The following TDRD7 variants were observed in gnomAD, a reference collection of about 807,000 sequenced individuals.
TDRD7 encodes the protein tudor domain-containing protein 7.
In TDRD7, 47 loss-of-function variants were observed where a neutral mutation model predicts 109.8. The ratio of observed to expected loss-of-function variants is 0.43; its 90% CI spans 0.34 to 0.55. TDRD7 has a LOEUF of 0.55. Ranked by LOEUF, TDRD7 falls within the 20% of genes least tolerant of loss-of-function variation. TDRD7 has a pLI of 0.03. For missense variants in TDRD7, 1,164 were observed against 1,319.2 expected, an observed-to-expected ratio of 0.88 and a Z score of 1.82; for synonymous variants, 424 against 457.3, an observed-to-expected ratio of 0.93 and a Z score of 0.93.
intron 1 of TDRD7, among the ~76,000 whole-genome samples, chr9:97,416,788 G>A (rs1389774299): frequency 6.6e-6 from 1 of 151,710 alleles, no homozygotes; most frequent in East Asian, 1.9e-4. Context: ...AAAAGGAGTG[G>A]TAGGTGGATG....
intron 1 of TDRD7, among the ~76,000 whole-genome samples, 163 bp from the exon 2 acceptor site, chr9:97,428,297 T>G (rs1195955351): frequency 6.6e-6 from 1 of 152,184 alleles, no homozygotes; most frequent in African/African-American, 2.4e-5. Flanking sequence ...ATTCTTATGG[T>G]ATTTGTGCTT....
At chr9:97,424,012 G>T (rs1355167198) in intron 1 of TDRD7, among the ~76,000 whole-genome samples, 1 of 148,066 alleles carries the variant, frequency 6.8e-6, no homozygotes, top group Non-Finnish European at 1.5e-5. Flanking sequence ...AATATCATTA[G>T]GTCACTTTGG....
intron 16 of TDRD7, among the ~76,000 whole-genome samples, chr9:97,490,988 T>C (rs1481480414): frequency 4.2e-5 from 6 of 142,620 alleles, no homozygotes; most frequent in Admixed American, 1.5e-4. Context: ...CGATCTCAGC[T>C]CACTGCAACC....
intron 12 of TDRD7, among the ~76,000 whole-genome samples, chr9:97,476,283 T>G (rs1829016579): frequency 6.6e-6 from 1 of 152,216 alleles, no homozygotes; most frequent in Non-Finnish European, 1.5e-5. Context: ...TCACATACTC[T>G]TCTATTTCTA....
intron 1 of TDRD7, among the ~76,000 whole-genome samples, chr9:97,425,149 G>C (rs1827966192): frequency 6.6e-6 from 1 of 151,994 alleles, no homozygotes; most frequent in Non-Finnish European, 1.5e-5. Context: ...GGGAATGTCT[G>C]TATCTTGATT....
intron 4 of TDRD7, among the ~76,000 whole-genome samples, chr9:97,434,291 T>A (rs1322280156): frequency 6.6e-6 from 1 of 152,144 alleles, no homozygotes; most frequent in Non-Finnish European, 1.5e-5. Context: ...TTATCTTATA[T>A]GTGGAATCTA....
intron 16 of TDRD7, among the ~76,000 whole-genome samples, chr9:97,492,066 C>T (rs1444815643): frequency 6.6e-6 from 1 of 152,202 alleles, no homozygotes; most frequent in Admixed American, 6.5e-5. Context: ...TGCTCTAGTA[C>T]GCTTTGACTC....
chr9:97,451,439 A>T (rs144046881), intron 6 of TDRD7, among the ~76,000 whole-genome samples: 1 of 152,064 alleles, frequency 6.6e-6, no homozygotes. Context: ...ATAGATGCAC[A>T]CTATCACATC....
chr9:97,481,444 T>G (rs904220279), intron 14 of TDRD7, among the ~76,000 whole-genome samples: 1 of 152,228 alleles, frequency 6.6e-6, no homozygotes, highest in Admixed American at 6.5e-5. Flanking sequence ...TTCTGTACTT[T>G]TGCATCTTTA....
chr9:97,432,052 C>G lies in TDRD7; in HGVS notation c.377C>G (p.Pro126Arg). 6.2e-7 allele frequency: 1 copy of G among 1,613,768 alleles called. No homozygotes were observed. The highest frequency in any genetic ancestry group is 8.5e-7 in the Non-Finnish European group (1 of 1,179,774). Residue 126 changes from proline (P) to arginine (R), a missense_variant, in exon 4 of 17, where the codon CCA becomes CGA. Transcript: ENST00000355295. ...EGKPKATLRQPGFASNFSVGK... is the reference protein window; with the variant it reads ...EGKPKATLRQRGFASNFSVGK... ...AAACCAAAAGCAACCCTCAGACAAC[C>G]AGGATTTGCTTCAAATTTTTCTGTT...
At chr9:97,428,426 C>T (rs1479496678) in intron 1 of TDRD7, 34 bp from the exon 2 acceptor site, 19 of 1,589,594 alleles carry the variant, frequency 1.2e-5, no homozygotes, top group South Asian at 2.2e-5. Context: ...ACGAATGAGC[C>T]ATATTATAGT....
At chr9:97,465,176 T>TA (rs1284928547) in intron 8 of TDRD7, 148 bp downstream of exon 8, 1 of 1,051,474 alleles carries the variant, frequency 9.5e-7, no homozygotes, top group African/African-American at 1.6e-5. Flanking sequence ...ATAATATCTG[T>TA]AAAAGGTTAT....
intron 8 of TDRD7, among the ~76,000 whole-genome samples, 164 bp from the exon 9 acceptor site, chr9:97,470,394 T>A (rs1435593847): frequency 6.6e-6 from 1 of 152,150 alleles, no homozygotes; most frequent in Non-Finnish European, 1.5e-5. Flanking sequence ...AGCTCCAGCC[T>A]TTCTCTTCTG....
chr9:97,495,291 A>G (rs1385657590), intron 16 of TDRD7, among the ~76,000 whole-genome samples: 1 of 152,146 alleles, frequency 6.6e-6, no homozygotes, highest in Non-Finnish European at 1.5e-5. Context: ...GGTCCATCAG[A>G]AAAAAAATTT....
At chr9:97,470,905 A>C (rs1390689288) in intron 9 of TDRD7, among the ~76,000 whole-genome samples, 2 of 152,202 alleles carry the variant, frequency 1.3e-5, no homozygotes, top group African/African-American at 2.4e-5. Context: ...AATTTCAGCC[A>C]TCTTAAAGGG....
At chr9:97,432,346 T>C (rs1202241122) in intron 4 of TDRD7, 108 bp downstream of exon 4, 6 of 983,792 alleles carry the variant, frequency 6.1e-6, no homozygotes, top group Non-Finnish European at 9.6e-6. Context: ...TAAGTTCACA[T>C]ATAGTAGAGA....
intron 1 of TDRD7, among the ~76,000 whole-genome samples, chr9:97,426,531 G>T (rs1163223410): frequency 6.6e-6 from 1 of 152,176 alleles, no homozygotes; most frequent in Non-Finnish European, 1.5e-5. Flanking sequence ...AGGACTGCAG[G>T]TGCGAGCCAC....
At chr9:97,430,878 A>G (rs1828092136) in intron 2 of TDRD7, 55 bp from the exon 3 acceptor site, 1 of 1,611,496 alleles carries the variant, frequency 6.2e-7, no homozygotes, top group Non-Finnish European at 8.5e-7. Flanking sequence ...ACTGGCCTCT[A>G]GGCAACACGG....
rs1554741974 is a variant in TDRD7, at chr9:97,420,363, T to TTG, written c.-6-8096_-6-8095dup. Among the ~76,000 whole-genome samples, 10 of 5,040 alleles carry TTG rather than the reference T, an allele frequency of 2.0e-3. No homozygotes were observed. The East Asian group carries it at 0.074, about 37-fold the overall frequency. 3.3% of individuals were successfully genotyped at this position (5,040 alleles called of 152,430 possible). A position where few individuals can be genotyped will look rare whatever the true frequency, so the allele number is the denominator to read the frequency against. On this transcript the variant is annotated intron_variant, in intron 1 of 16. Transcript: ENST00000355295. ...AAGCATAGCTTAAAAGAACTTTTTT[T>TTG]TGGGGGGGGCGGGTGGGGGAGGGTG...
Sources: gnomAD v4.1 joint callset for allele counts (sites outside exome capture counted in the v4.1 genomes callset) on GRCh38, gnomAD v4.1.1 for gene constraint, MANE v1.5 for transcripts, NCBI Gene and HGNC (gene_info 2026-07-23, HGNC 2026-07-21) for gene names.